LPCAT2: variants seen among roughly 807,000 people sequenced by gnomAD.
The protein encoded by LPCAT2 is lysophosphatidylcholine acyltransferase 2.
Under a neutral mutation model 64.7 loss-of-function variants are expected in LPCAT2, and 58 were observed. The ratio of observed to expected loss-of-function variants is 0.90; its 90% CI spans 0.73 to 1.12. The LOEUF (loss-of-function observed/expected upper bound fraction) is 1.12. LPCAT2 is among the 50% of genes most tolerant of loss of function. The pLI is 0.00. For synonymous variants in LPCAT2, 252 were observed against 245.3 expected (o/e 1.03, Z -0.26); for missense variants, 579 against 669.8 (o/e 0.86, Z 1.50).
chr16:55,520,573 A>G (rs181771153), intron 1 of LPCAT2, among the ~76,000 whole-genome samples: 29 of 152,126 alleles, frequency 1.9e-4, no homozygotes, highest in Admixed American at 4.6e-4. Context: ...AATTTCAAGT[A>G]CACATTTAAT....
In LPCAT2 at chr16:55,515,483, G is replaced by GTAT. The variant is rs199579744; in HGVS notation, c.171+6131_171+6132insTAT. Among the ~76,000 whole-genome samples, 414 of 152,224 alleles carry GTAT rather than the reference G, an allele frequency of 2.7e-3. 9 individuals carry two copies. The South Asian group carries it at 0.05, about 18-fold the overall frequency. On this transcript the variant is annotated intron_variant, in intron 1 of 13. Coordinates refer to ENST00000262134, the MANE Select transcript of LPCAT2 (RefSeq NM_017839.5). ...GATAAATAATAAAGGGAGTCTCTCA[G>GTAT]GCTGAAATGAAAGGATACTAGACAG...
intron 10 of LPCAT2, among the ~76,000 whole-genome samples, chr16:55,549,612 C>T (rs1963492818): frequency 2.0e-5 from 3 of 152,152 alleles, no homozygotes; most frequent in Non-Finnish European, 1.5e-5. Flanking sequence ...GCATTGGTCA[C>T]AGGAGGAGAC....
At chr16:55,520,240 G>A (rs1351512594) in intron 1 of LPCAT2, among the ~76,000 whole-genome samples, 2 of 152,132 alleles carry the variant, frequency 1.3e-5, no homozygotes, top group Non-Finnish European at 2.9e-5. Flanking sequence ...TGATATGACT[G>A]TATTAATATC....
At chr16:55,570,315 C>T (rs1273066633) in intron 11 of LPCAT2, among the ~76,000 whole-genome samples, 1 of 152,114 alleles carries the variant, frequency 6.6e-6, no homozygotes, top group Admixed American at 6.6e-5. Flanking sequence ...TATCTAGCTA[C>T]CCCAGTCAGA....
chr16:55,545,714 A>T (rs1409204054), intron 8 of LPCAT2, 21 bp from the exon 9 acceptor site: 5 of 1,488,226 alleles, frequency 3.4e-6, no homozygotes, highest in Admixed American at 1.8e-5. Context: ...ATTGTTATGG[A>T]AAGGTATATT....
intron 11 of LPCAT2, among the ~76,000 whole-genome samples, chr16:55,573,431 A>C (rs1425876036): frequency 1.3e-5 from 2 of 151,440 alleles, no homozygotes; most frequent in Non-Finnish European, 2.9e-5. Context: ...TGTGCCTCGG[A>C]ATGAGAATAC....
At position 55,585,816 on chromosome 16, in the gene LPCAT2, G is replaced by A. The variant is rs1274316211; in HGVS notation, c.*2718G>A. On this transcript the variant is annotated 3_prime_UTR_variant, in exon 14 of 14. Transcript: ENST00000262134. ...GACATCTGGTCTGCTCTCTGCATGAGGCACAGCAGTAAAGCTCTTTGATTC... is the reference window on the plus strand; with the variant it reads ...GACATCTGGTCTGCTCTCTGCATGAAGCACAGCAGTAAAGCTCTTTGATTC... The A allele has an allele frequency of 1.3e-5, 2 of 152,116 alleles. No individual in the cohort carries two copies. Among genetic ancestry groups the A allele is most frequent in the Non-Finnish European group, 2.9e-5 (2 of 68,034 alleles). The allele number at this position is 152,116 out of a possible 1,614,324, so 9.4% of individuals were successfully genotyped here. A position where few individuals can be genotyped will look rare whatever the true frequency, so the allele number is the denominator to read the frequency against.
rs1334342710 is a variant in LPCAT2, at chr16:55,586,504, A to G, written c.*3406A>G. 7.8e-6 allele frequency: 1 copy of G among 127,466 alleles called. No individual in the cohort carries two copies. Among genetic ancestry groups the G allele is most frequent in the Non-Finnish European group, 1.5e-5 (1 of 67,488 alleles). 7.9% of individuals were successfully genotyped at this position (127,466 alleles called of 1,614,324 possible). The stretch of plus-strand genomic sequence containing the variant: ...CCCTAAATCAACTATTATCAATTTT[A>G]TACATATTTTACTCCATCTTTTTTC... On this transcript the variant is annotated 3_prime_UTR_variant, in exon 14 of 14. Transcript: ENST00000262134.
chr16:55,510,511 T>C (rs1352255498), intron 1 of LPCAT2, among the ~76,000 whole-genome samples: 1 of 152,184 alleles, frequency 6.6e-6, no homozygotes, highest in East Asian at 1.9e-4. Flanking sequence ...TACTTTGGAT[T>C]TGAAGCAGTA....
Position 55,537,588 on chromosome 16 carries a change from T to A in LPCAT2, c.808T>A (p.Cys270Ser). Residue 270 changes from cysteine (C) to serine (S), a missense_variant, in exon 8 of 14, where the codon TGT becomes AGT. Coordinates refer to ENST00000262134, the MANE Select transcript of LPCAT2 (RefSeq NM_017839.5). ...CTTTTTTCTCTTCAGCATTCAGCTTTGTATGCTTACTTTCTGCCAGCTCTT... is the reference window on the plus strand; with the variant it reads ...CTTTTTTCTCTTCAGCATTCAGCTTAGTATGCTTACTTTCTGCCAGCTCTT... ...TWQGYTFIQL[C>S]MLTFCQLFTK... 6.2e-7 allele frequency: 1 copy of A among 1,613,300 alleles called. No individual in the cohort carries two copies. The highest frequency in any genetic ancestry group is 8.5e-7 in the Non-Finnish European group (1 of 1,179,496).
rs182242874 is a variant in LPCAT2, at chr16:55,585,086, T to G, written c.*1988T>G. 1 of 152,308 alleles carries G rather than the reference T, an allele frequency of 6.6e-6. No homozygotes were observed. Among genetic ancestry groups the G allele is most frequent in the East Asian group, 1.9e-4 (1 of 5,182 alleles). 9.4% of individuals were successfully genotyped at this position (152,308 alleles called of 1,614,324 possible). A position where few individuals can be genotyped will look rare whatever the true frequency, so the allele number is the denominator to read the frequency against. ...CCATTGCTTTCCTGTTTTAAAAATATTTTATGCTCTTTATTTCCACTTCTG... is the reference window on the plus strand; with the variant it reads ...CCATTGCTTTCCTGTTTTAAAAATAGTTTATGCTCTTTATTTCCACTTCTG... On this transcript the variant is annotated 3_prime_UTR_variant, in exon 14 of 14. Transcript: ENST00000262134.
chr16:55,535,202 C>A (rs1249923334), intron 7 of LPCAT2, among the ~76,000 whole-genome samples: 1 of 152,096 alleles, frequency 6.6e-6, no homozygotes, highest in Non-Finnish European at 1.5e-5. Flanking sequence ...ACCCAGTTTT[C>A]ATATTGTTAA....
intron 2 of LPCAT2, among the ~76,000 whole-genome samples, chr16:55,526,929 T>C (rs1963179096): frequency 6.6e-6 from 1 of 152,174 alleles, no homozygotes; most frequent in Admixed American, 6.5e-5. Flanking sequence ...ACATGTTAAA[T>C]AAGAGTGTTT....
chr16:55,544,215 G>T (rs1284977753), intron 8 of LPCAT2, among the ~76,000 whole-genome samples: 1 of 137,488 alleles, frequency 7.3e-6, no homozygotes, highest in Non-Finnish European at 1.6e-5. Context: ...TGATTGACAA[G>T]ACTTGAAAAC....
chr16:55,544,845 A>C (rs1283881591), intron 8 of LPCAT2, among the ~76,000 whole-genome samples: 1 of 152,154 alleles, frequency 6.6e-6, no homozygotes, highest in Non-Finnish European at 1.5e-5. Flanking sequence ...TCTTGGGCTG[A>C]ATTCTGGCCA....
intron 11 of LPCAT2, among the ~76,000 whole-genome samples, chr16:55,560,408 G>A (rs1181683012): frequency 6.6e-6 from 1 of 152,022 alleles, no homozygotes; most frequent in Non-Finnish European, 1.5e-5. Context: ...GTTCCCCTTG[G>A]AATTCTGTTT....
intron 8 of LPCAT2, chr16:55,541,542 C>T (rs1963396675): frequency 5.4e-6 from 1 of 185,890 alleles, no homozygotes; most frequent in African/African-American, 2.4e-5. Flanking sequence ...ACACACCCTA[C>T]ATATATACTT....
At chr16:55,567,553 C>T in intron 11 of LPCAT2, 1 of 1,567,578 alleles carries the variant, frequency 6.4e-7, no homozygotes, top group African/African-American at 1.4e-5. Context: ...GACTGAAAAC[C>T]TTGCCAAGCT....
chr16:55,509,735 G>C (rs2241148), intron 1 of LPCAT2, among the ~76,000 whole-genome samples: 1 of 151,802 alleles, frequency 6.6e-6, no homozygotes, highest in Non-Finnish European at 1.5e-5. Context: ...TGAAAGGGGC[G>C]GAGATGTGTG....
Sources: allele counts gnomAD v4.1 joint callset (sites outside exome capture counted in the v4.1 genomes callset), GRCh38; gene constraint gnomAD v4.1.1; transcripts MANE v1.5; gene names NCBI Gene and HGNC (gene_info 2026-07-23, HGNC 2026-07-21).